SV2C: variants seen among roughly 807,000 people sequenced by gnomAD.
SV2C encodes the protein synaptic vesicle glycoprotein 2C.
Under a neutral mutation model 79.7 loss-of-function variants are expected in SV2C, and 49 were observed. That is an observed-to-expected ratio of 0.61 (90% CI 0.49 to 0.78). SV2C has a LOEUF of 0.78. SV2C is among the 30% of genes least tolerant of loss of function. The pLI is 0.00. For missense variants in SV2C, 833 were observed against 912.9 expected (o/e 0.91, Z 1.13); for synonymous variants, 334 against 333.2 (o/e 1.00, Z -0.03).
intron 2 of SV2C, among the ~76,000 whole-genome samples, chr5:76,157,206 A>G (rs1319711698): frequency 6.6e-6 from 1 of 152,124 alleles, no homozygotes; most frequent in African/African-American, 2.4e-5. Context: ...GGGAACCCAA[A>G]GACTAACCTG....
chr5:75,899,923 A>C, the SV2C span, among the ~76,000 whole-genome samples: 1 of 151,926 alleles, frequency 6.6e-6, no homozygotes, highest in South Asian at 2.1e-4. Flanking sequence ...TGCTTGGTAG[A>C]TCTTCCTCCA....
intron 1 of SV2C, among the ~76,000 whole-genome samples, chr5:76,112,839 A>G (rs1319657236): frequency 6.6e-6 from 1 of 152,234 alleles, no homozygotes; most frequent in African/African-American, 2.4e-5. Context: ...GTCAGTCACA[A>G]AAGTGCCTTT....
At chr5:76,257,687 G>A (rs1054661916) in intron 4 of SV2C, among the ~76,000 whole-genome samples, 1 of 150,826 alleles carries the variant, frequency 6.6e-6, no homozygotes, top group African/African-American at 2.4e-5. Flanking sequence ...TGTGGTGTGT[G>A]GTATGTATAG....
At chr5:75,931,971 C>A in the SV2C span, among the ~76,000 whole-genome samples, 5 of 152,198 alleles carry the variant, frequency 3.3e-5, no homozygotes, top group African/African-American at 7.2e-5. Context: ...TCTCTGTTTC[C>A]AAGCTGTAGC....
intron 1 of SV2C, among the ~76,000 whole-genome samples, chr5:76,126,820 T>A (rs1361888126): frequency 6.6e-6 from 1 of 152,274 alleles, no homozygotes. Flanking sequence ...GCAGATGTAG[T>A]GGGTATGTGG....
rs1747932180 is a variant in SV2C, at chr5:76,300,156, A to ATATTATT, written c.1637-573_1637-572insTATTATT. ...CAGCTCACTGCGGCCTCAAATAAAA[A>ATATTATT]ATTATTATTATTATTATTATTATTA... On this transcript the variant is annotated intron_variant, in intron 10 of 12. Transcript: ENST00000502798. Among the ~76,000 whole-genome samples, 4 of 139,686 alleles carry ATATTATT rather than the reference A, an allele frequency of 2.9e-5. No homozygotes were observed. In the Admixed American group the frequency reaches 2.9e-4, roughly 10 times the overall value. The allele number at this position is 139,686 out of a possible 152,430, so 91.6% of individuals were successfully genotyped here.
intron 4 of SV2C, among the ~76,000 whole-genome samples, chr5:76,223,089 G>T (rs1278522333): frequency 2.0e-5 from 3 of 152,052 alleles, no homozygotes; most frequent in Admixed American, 6.6e-5. Flanking sequence ...GTCTGTCCAG[G>T]CGATGCTCTC....
chr5:75,902,945 C>T, the SV2C span, among the ~76,000 whole-genome samples: 1 of 152,192 alleles, frequency 6.6e-6, no homozygotes, highest in Non-Finnish European at 1.5e-5. Context: ...GTTGACTGTG[C>T]ACTGGGTGCC....
the SV2C span, among the ~76,000 whole-genome samples, chr5:75,924,096 T>A: frequency 6.6e-6 from 1 of 152,176 alleles, no homozygotes. Flanking sequence ...AATAAAAGAA[T>A]GTCTTTTGCA....
At chr5:76,173,922 A>G in intron 2 of SV2C, 3 of 1,587,464 alleles carry the variant, frequency 1.9e-6, no homozygotes, top group Non-Finnish European at 2.6e-6. Context: ...TTAAATGTGG[A>G]CTGTGCTGTG....
chr5:76,273,658 G>A (rs1746939903), intron 4 of SV2C, among the ~76,000 whole-genome samples: 1 of 152,170 alleles, frequency 6.6e-6, no homozygotes, highest in Admixed American at 6.5e-5. Context: ...CAAGACCAGA[G>A]CTTGGAAACA....
intron 12 of SV2C, among the ~76,000 whole-genome samples, chr5:76,309,835 T>C (rs146504921): frequency 2.0e-3 from 301 of 152,208 alleles, no homozygotes; most frequent in Non-Finnish European, 3.4e-3. Context: ...TTTTTAATTT[T>C]AAAAACCACC....
At chr5:76,079,942 G>T (rs970133735), upstream of SV2C, among the ~76,000 whole-genome samples, 1 of 151,786 alleles carries the variant, frequency 6.6e-6, no homozygotes, top group Non-Finnish European at 1.5e-5. Flanking sequence ...ATGAGCTTAG[G>T]GTGTTTTTTT....
chr5:75,901,037 C>A, the SV2C span, among the ~76,000 whole-genome samples: 3 of 152,304 alleles, frequency 2.0e-5, no homozygotes, highest in East Asian at 5.8e-4. Context: ...TGAGTTTCCT[C>A]CTGTAGCTCG....
chr5:76,074,942 C>T, the SV2C span, among the ~76,000 whole-genome samples: 2 of 152,320 alleles, frequency 1.3e-5, no homozygotes, highest in South Asian at 2.1e-4. Context: ...GGAGTATCTA[C>T]TGTGTGCCAG....
intron 4 of SV2C, among the ~76,000 whole-genome samples, chr5:76,245,583 A>G (rs1745920364): frequency 6.6e-6 from 1 of 152,162 alleles, no homozygotes; most frequent in East Asian, 1.9e-4. Context: ...AGAGTTTTTG[A>G]TATTTTAAAT....
chr5:76,189,166 A>T (rs1328287101), intron 2 of SV2C, among the ~76,000 whole-genome samples: 1 of 151,982 alleles, frequency 6.6e-6, no homozygotes, highest in African/African-American at 2.4e-5. Flanking sequence ...AGTCCAGGGT[A>T]CCTTGGCACC....
chr5:75,862,930 C>T, the SV2C span, among the ~76,000 whole-genome samples: 3 of 152,284 alleles, frequency 2.0e-5, no homozygotes, highest in Admixed American at 6.5e-5. Context: ...TGGTTGGCTT[C>T]GGGAATCACG....
At chr5:75,965,549 GTGTTTTGATCT>G in the SV2C span, among the ~76,000 whole-genome samples, 2 of 152,162 alleles carry the variant, frequency 1.3e-5, no homozygotes, top group Non-Finnish European at 2.9e-5. Context: ...AAATCTGCCA[GTGTTTTGATCT>G]TGTATTTCTC....
Sources: allele counts gnomAD v4.1 joint callset (sites outside exome capture counted in the v4.1 genomes callset), GRCh38; gene constraint gnomAD v4.1.1; transcripts MANE v1.5; gene names NCBI Gene and HGNC (gene_info 2026-07-23, HGNC 2026-07-21).